NAALADL2: variants seen among roughly 807,000 people sequenced by gnomAD.
NAALADL2 encodes the protein N-acetylated alpha-linked acidic dipeptidase like 2, also known as inactive N-acetylated-alpha-linked acidic dipeptidase-like protein 2.
NAALADL2 carries 76 observed loss-of-function variants against 87.2 expected under a neutral mutation model. That is an observed-to-expected ratio of 0.87 (90% confidence interval 0.72 to 1.05). The LOEUF (loss-of-function observed/expected upper bound fraction) is 1.05, where lower values mean the gene tolerates loss of function less well. NAALADL2 is among the 50% of genes least tolerant of loss of function. The pLI, the probability that NAALADL2 is intolerant of heterozygous loss-of-function variation, is 0.00. For missense variants in NAALADL2, 1,089 were observed against 945.8 expected (o/e 1.15, Z -1.99); for synonymous variants, 354 against 331.0 (o/e 1.07, Z -0.75).
chr3:175,261,105 T>C (rs1269603156), intron 4 of NAALADL2, among the ~76,000 whole-genome samples: 3 of 152,182 alleles, frequency 2.0e-5, no homozygotes, highest in Non-Finnish European at 4.4e-5. Context: ...AGGTTCATTT[T>C]AGCTACGTAT....
chr3:175,238,070 A>T (rs775477902), intron 3 of NAALADL2, among the ~76,000 whole-genome samples: 51 of 152,094 alleles, frequency 3.4e-4, no homozygotes, highest in Middle Eastern at 6.8e-3. Context: ...TGTTTTTTTT[A>T]AAATATTCCT....
At chr3:175,575,363 C>T (rs1427628446) in intron 9 of NAALADL2, among the ~76,000 whole-genome samples, 1 of 152,210 alleles carries the variant, frequency 6.6e-6, no homozygotes, top group Middle Eastern at 3.4e-3. Context: ...CGGCTCACTG[C>T]AACCTCTGCC....
chr3:174,985,559 A>G (rs978051502), intron 1 of NAALADL2, among the ~76,000 whole-genome samples: 1 of 152,166 alleles, frequency 6.6e-6, no homozygotes, highest in African/African-American at 2.4e-5. Context: ...GTCTGTGTGA[A>G]CGTTGGCTGC....
intron 3 of NAALADL2, among the ~76,000 whole-genome samples, chr3:174,783,284 G>A (rs1245584985): frequency 6.6e-6 from 1 of 152,148 alleles, no homozygotes; most frequent in Non-Finnish European, 1.5e-5. Context: ...TTTATTAAAT[G>A]ACTGTAGTCT....
intron 13 of NAALADL2, among the ~76,000 whole-genome samples, chr3:175,777,643 T>C (rs1750430457): frequency 6.6e-6 from 1 of 152,144 alleles, no homozygotes; most frequent in African/African-American, 2.4e-5. Flanking sequence ...TGACTAGTGC[T>C]ATGATAAAAC....
intron 2 of NAALADL2, among the ~76,000 whole-genome samples, chr3:174,729,450 T>A (rs11719683): frequency 0.1 from 15,393 of 151,882 alleles, 957 homozygotes; most frequent in Middle Eastern, 0.13. Context: ...GTAGACTGGG[T>A]TGGATTTAAG....
chr3:174,512,370 A>T (rs1440452038), intron 1 of NAALADL2, among the ~76,000 whole-genome samples: 1 of 152,014 alleles, frequency 6.6e-6, no homozygotes, highest in Admixed American at 6.6e-5. Context: ...AGCTGCACTC[A>T]CTAAAGCATG....
At chr3:174,560,730 C>T (rs766965298) in intron 2 of NAALADL2, among the ~76,000 whole-genome samples, 1 of 152,056 alleles carries the variant, frequency 6.6e-6, no homozygotes, top group Non-Finnish European at 1.5e-5. Flanking sequence ...TTACCGTGTG[C>T]CTTTTTTCTA....
intron 2 of NAALADL2, among the ~76,000 whole-genome samples, chr3:174,642,859 T>C (rs1369175663): frequency 1.3e-5 from 2 of 151,320 alleles, no homozygotes; most frequent in African/African-American, 4.9e-5. Flanking sequence ...CACAACTCAC[T>C]GCAGCCTCAA....
intron 1 of NAALADL2, among the ~76,000 whole-genome samples, chr3:174,977,493 G>T (rs1250574422): frequency 6.6e-6 from 1 of 152,152 alleles, no homozygotes; most frequent in Non-Finnish European, 1.5e-5. Context: ...AAATTAGTGT[G>T]GTTGAAAAGA....
At chr3:175,437,111 C>A (rs1456784578) in intron 5 of NAALADL2, among the ~76,000 whole-genome samples, 4 of 150,540 alleles carry the variant, frequency 2.7e-5, no homozygotes, top group African/African-American at 9.8e-5. Flanking sequence ...ATAGGGAATC[C>A]TTTCCCCATT....
chr3:174,734,189 G>A (rs912756536), intron 2 of NAALADL2, among the ~76,000 whole-genome samples: 3 of 152,084 alleles, frequency 2.0e-5, no homozygotes, highest in African/African-American at 7.2e-5. Context: ...AATAAAATTT[G>A]AGAATTAGGT....
At chr3:174,812,620 A>T (rs1337036078) in intron 3 of NAALADL2, among the ~76,000 whole-genome samples, 2 of 152,092 alleles carry the variant, frequency 1.3e-5, no homozygotes, top group African/African-American at 4.8e-5. Flanking sequence ...ATTCCAAAAG[A>T]AGGCATTGTT....
chr3:175,787,585 G>A (rs944454182), intron 13 of NAALADL2, among the ~76,000 whole-genome samples: 2 of 152,010 alleles, frequency 1.3e-5, no homozygotes, highest in South Asian at 2.1e-4. Context: ...CACGGTGCGC[G>A]CACCCACTGA....
chr3:175,125,930 A>G (rs746330134), intron 2 of NAALADL2, among the ~76,000 whole-genome samples: 2 of 152,112 alleles, frequency 1.3e-5, no homozygotes, highest in African/African-American at 4.8e-5. Flanking sequence ...TTAATGAGGC[A>G]GAACCAGCAT....
chr3:175,373,800 T>G (rs943648197), intron 5 of NAALADL2, among the ~76,000 whole-genome samples: 1 of 152,222 alleles, frequency 6.6e-6, no homozygotes, highest in African/African-American at 2.4e-5. Context: ...AGAGTCTCCT[T>G]GCTCTACATC....
At chr3:175,638,887 C>A (rs1728904650) in intron 11 of NAALADL2, among the ~76,000 whole-genome samples, 1 of 152,152 alleles carries the variant, frequency 6.6e-6, no homozygotes, top group Non-Finnish European at 1.5e-5. Flanking sequence ...ACGTCCAACA[C>A]TTAGGCAGCT....
Position 174,885,493 on chromosome 3 carries a change from C to T in NAALADL2, c.43+26043C>T, listed in dbSNP as rs1323429779. Among the ~76,000 whole-genome samples the T allele has an allele frequency of 2.0e-5, 3 of 152,096 alleles. No homozygotes were observed. In the East Asian group the frequency reaches 5.8e-4, roughly 29 times the overall value. ...GTATTATGTATAGAGTCACTAAACT[C>T]CTTGCCTCCCACGAATGATGAATCA... On this transcript the variant is annotated intron_variant, in intron 1 of 13. Coordinates refer to ENST00000454872, the MANE Select transcript of NAALADL2 (RefSeq NM_207015.3).
chr3:175,301,589 A>G (rs919014380), intron 4 of NAALADL2, among the ~76,000 whole-genome samples: 2 of 152,190 alleles, frequency 1.3e-5, no homozygotes, highest in African/African-American at 4.8e-5. Flanking sequence ...TAGCCCATTG[A>G]TGTAATGAGA....
Sources: allele counts gnomAD v4.1 joint callset (sites outside exome capture counted in the v4.1 genomes callset), GRCh38; gene constraint gnomAD v4.1.1; transcripts MANE v1.5; gene names NCBI Gene and HGNC (gene_info 2026-07-23, HGNC 2026-07-21).